Variants in CTNNA3 observed in about 807,000 individuals in gnomAD.
The protein encoded by CTNNA3 is catenin alpha-3.
CTNNA3 carries 76 observed loss-of-function variants against 95.7 expected under a neutral mutation model. The observed-to-expected ratio is 0.79, with a 90% CI of 0.66 to 0.96. CTNNA3 has a LOEUF of 0.96. CTNNA3 is among the 40% of genes least tolerant of loss of function. CTNNA3 has a pLI of 0.00. For missense variants in CTNNA3, 1,191 were observed against 1,089.8 expected, an observed-to-expected ratio of 1.09 and a Z score of -1.31; for synonymous variants, 431 against 374.4, an observed-to-expected ratio of 1.15 and a Z score of -1.74.
At chr10:67,251,624 A>T (rs1335558628) in intron 5 of CTNNA3, among the ~76,000 whole-genome samples, 2 of 152,170 alleles carry the variant, frequency 1.3e-5, no homozygotes, top group African/African-American at 4.8e-5. Context: ...CTCAGAACCA[A>T]TGAGGAAGAA....
At chr10:66,115,559 T>C (rs61858397) in intron 13 of CTNNA3, among the ~76,000 whole-genome samples, 7,217 of 136,708 alleles carry the variant, frequency 0.053, 215 homozygotes, top group Admixed American at 0.097. Context: ...GATAGATAGA[T>C]AGATAGATAG....
intron 7 of CTNNA3, among the ~76,000 whole-genome samples, chr10:66,893,125 T>A (rs1032609133): frequency 1.3e-5 from 2 of 152,102 alleles, no homozygotes; most frequent in African/African-American, 4.8e-5. Context: ...AGCCATGGCA[T>A]TAAATTTACA....
intron 13 of CTNNA3, among the ~76,000 whole-genome samples, chr10:66,201,093 G>A (rs1468231428): frequency 6.6e-6 from 1 of 152,120 alleles, no homozygotes; most frequent in African/African-American, 2.4e-5. Context: ...ATAAACTTAT[G>A]TGATTTTAAT....
At chr10:67,150,390 AT>A (rs1206308645) in intron 7 of CTNNA3, among the ~76,000 whole-genome samples, 3 of 152,208 alleles carry the variant, frequency 2.0e-5, no homozygotes, top group African/African-American at 7.2e-5. Flanking sequence ...AGAAACACTA[AT>A]TTTAATCAGA....
At chr10:66,249,364 A>C (rs954261453) in intron 13 of CTNNA3, among the ~76,000 whole-genome samples, 21 of 152,150 alleles carry the variant, frequency 1.4e-4, no homozygotes, top group Non-Finnish European at 1.8e-4. Flanking sequence ...AATATTTGCA[A>C]ACTACCCCCC....
At chr10:67,321,527 A>C (rs537544690) in intron 5 of CTNNA3, among the ~76,000 whole-genome samples, 3 of 152,292 alleles carry the variant, frequency 2.0e-5, no homozygotes, top group Non-Finnish European at 2.9e-5. Flanking sequence ...CCCAGAGGGA[A>C]AGAAATCCAC....
intron 7 of CTNNA3, among the ~76,000 whole-genome samples, chr10:67,033,910 T>G (rs1280078782): frequency 6.6e-6 from 1 of 152,128 alleles, no homozygotes; most frequent in Non-Finnish European, 1.5e-5. Context: ...TAGCTGGGAT[T>G]ACAGGCTTGC....
intron 5 of CTNNA3, among the ~76,000 whole-genome samples, chr10:67,318,427 G>A (rs1841158344): frequency 6.6e-6 from 1 of 152,186 alleles, no homozygotes; most frequent in South Asian, 2.1e-4. Context: ...TGCAGTTAGT[G>A]GATGTTGGGG....
chr10:67,583,458 G>A (rs1456448628), intron 3 of CTNNA3, among the ~76,000 whole-genome samples: 5 of 152,182 alleles, frequency 3.3e-5, no homozygotes, highest in South Asian at 2.1e-4. Flanking sequence ...CCCTTTGTGG[G>A]TAACCTGATC....
intron 3 of CTNNA3, among the ~76,000 whole-genome samples, chr10:67,560,354 T>C (rs1841459910): frequency 6.6e-6 from 1 of 151,766 alleles, no homozygotes; most frequent in African/African-American, 2.4e-5. Context: ...AAGAAAAGAA[T>C]TTTCAACCCA....
chr10:66,000,962 T>C (rs1205775126), intron 15 of CTNNA3, among the ~76,000 whole-genome samples: 1 of 152,022 alleles, frequency 6.6e-6, no homozygotes, highest in East Asian at 1.9e-4. Context: ...AAAATTAAAA[T>C]ATTAGAAGAT....
chr10:66,759,738 T>G (rs1017404033), intron 9 of CTNNA3, among the ~76,000 whole-genome samples: 2 of 152,182 alleles, frequency 1.3e-5, no homozygotes, highest in Non-Finnish European at 2.9e-5. Flanking sequence ...GTGGCCAGGG[T>G]AGATTAAGAT....
intron 13 of CTNNA3, among the ~76,000 whole-genome samples, chr10:66,130,294 A>G (rs891186877): frequency 6.6e-6 from 1 of 152,168 alleles, no homozygotes; most frequent in African/African-American, 2.4e-5. Flanking sequence ...CTAACATTAC[A>G]ATTAAAGGAA....
At chr10:66,674,724 T>G (rs368613538) in intron 9 of CTNNA3, among the ~76,000 whole-genome samples, 1 of 152,206 alleles carries the variant, frequency 6.6e-6, no homozygotes. Flanking sequence ...TTATTATCTG[T>G]TCATATGTAT....
chr10:67,711,267 G>T (rs181972334), intron 1 of CTNNA3, among the ~76,000 whole-genome samples: 1 of 152,192 alleles, frequency 6.6e-6, no homozygotes, highest in South Asian at 2.1e-4. Flanking sequence ...CAAAAATGCG[G>T]AAGCGACTGG....
intron 1 of CTNNA3, among the ~76,000 whole-genome samples, chr10:67,742,802 A>G (rs1182448970): frequency 6.6e-6 from 1 of 151,274 alleles, no homozygotes; most frequent in Non-Finnish European, 1.5e-5. Flanking sequence ...AGACGCAATA[A>G]AAAATGATAA....
chr10:66,337,672 G>T (rs778640493), intron 12 of CTNNA3, among the ~76,000 whole-genome samples: 6 of 152,052 alleles, frequency 3.9e-5, no homozygotes, highest in Non-Finnish European at 8.8e-5. Flanking sequence ...AGTAATTAAG[G>T]CAATACAAAC....
At chr10:66,953,013 T>G (rs1289547783) in intron 7 of CTNNA3, among the ~76,000 whole-genome samples, 1 of 152,018 alleles carries the variant, frequency 6.6e-6, no homozygotes, top group Non-Finnish European at 1.5e-5. Flanking sequence ...TGATTCCCAC[T>G]ATGTTCTTTA....
At chr10:66,838,698 A>C (rs928818147) in intron 7 of CTNNA3, among the ~76,000 whole-genome samples, 1 of 152,176 alleles carries the variant, frequency 6.6e-6, no homozygotes, top group Non-Finnish European at 1.5e-5. Context: ...TGTGTTTTAC[A>C]CTGCTGTATT....
Sources: allele counts gnomAD v4.1 joint callset (sites outside exome capture counted in the v4.1 genomes callset), GRCh38; gene constraint gnomAD v4.1.1; transcripts MANE v1.5; gene names NCBI Gene and HGNC (gene_info 2026-07-23, HGNC 2026-07-21).